The following DNAH2 variants were observed in gnomAD, a reference collection of about 807,000 sequenced individuals.
The protein encoded by DNAH2 is dynein axonemal heavy chain 2, also known as axonemal beta dynein heavy chain 2.
DNAH2 carries 323 observed loss-of-function variants against 523.5 expected under a neutral mutation model. That is an observed-to-expected ratio of 0.62 (90% confidence interval 0.56 to 0.68). The LOEUF is 0.68. Ranked by LOEUF, DNAH2 falls within the 30% of genes least tolerant of loss-of-function variation. The pLI, the probability that DNAH2 is intolerant of heterozygous loss-of-function variation, is 0.00. For synonymous variants in DNAH2, 2,093 were observed against 2,177.4 expected (o/e 0.96, Z 1.08); for missense variants, 4,907 against 5,701.5 (o/e 0.86, Z 4.49).
At chr17:7,775,801 C>G (rs1349722334) in intron 30 of DNAH2, among the ~76,000 whole-genome samples, 2 of 152,078 alleles carry the variant, frequency 1.3e-5, no homozygotes, top group Admixed American at 1.3e-4. Flanking sequence ...CCTGCCATTC[C>G]TGACAATGAC....
chr17:7,768,738 G>A (rs957684262), intron 24 of DNAH2, among the ~76,000 whole-genome samples: 1 of 152,162 alleles, frequency 6.6e-6, no homozygotes, highest in African/African-American at 2.4e-5. Flanking sequence ...ACTCGACTCT[G>A]CTTCTGTGAG....
Position 7,760,611 on chromosome 17 carries a change from G to T in DNAH2, c.2786-129G>T, listed in dbSNP as rs939255037. 7 of 797,250 alleles carry T rather than the reference G, an allele frequency of 8.8e-6. No individual in the cohort carries two copies. The highest frequency in any genetic ancestry group is 3.5e-5 in the African/African-American group (2 of 57,294). The allele number at this position is 797,250 out of a possible 1,614,324, so 49.4% of individuals were successfully genotyped here. A position where few individuals can be genotyped will look rare whatever the true frequency, so the allele number is the denominator to read the frequency against. ...TGCCTACTCCTTTACCTTCTAATGTGCATGTTTGAGCTGTATTTCTCTGGG... is the reference window on the plus strand; with the variant it reads ...TGCCTACTCCTTTACCTTCTAATGTTCATGTTTGAGCTGTATTTCTCTGGG... On this transcript the variant is annotated intron_variant, in intron 17 of 85. Coordinates refer to ENST00000572933, the MANE Select transcript of DNAH2 (RefSeq NM_020877.5). This position sits in a 1 kb window ranked among gnomAD's most constrained non-coding sequence, Gnocchi z 4.0.
At chr17:7,806,232 G>A (rs561103651) in intron 61 of DNAH2, among the ~76,000 whole-genome samples, 41 of 152,350 alleles carry the variant, frequency 2.7e-4, no homozygotes, top group East Asian at 3.9e-4. Context: ...CTCTGAGCAC[G>A]TCTAAGTTAG....
At position 7,827,601 on chromosome 17, in the gene DNAH2, C is replaced by T. The variant is rs76950200; in HGVS notation, c.11854-2699C>T. 0.012 allele frequency among the ~76,000 whole-genome samples: 1,762 copies of T among 151,988 alleles called. 122 individuals carry two copies. The East Asian group carries it at 0.2, about 17-fold the overall frequency. ...GCTGAGATTACAGGCACCTGCCACC[C>T]TACCCAGCTAATTTTGTTATTTTTT... is the stretch of plus-strand genomic sequence containing the variant. On this transcript the variant is annotated intron_variant, in intron 77 of 85. Coordinates refer to ENST00000572933, the MANE Select transcript of DNAH2 (RefSeq NM_020877.5).
rs2151198353 is a variant in DNAH2, at chr17:7,760,848, T to C, written c.2894T>C (p.Ile965Thr). The C allele has an allele frequency of 2.5e-6, 4 of 1,614,104 alleles. No individual in the cohort carries two copies. The highest frequency in any genetic ancestry group is 3.4e-6 in the Non-Finnish European group (4 of 1,180,010). Residue 965 changes from isoleucine to threonine, a missense_variant, in exon 18 of 86, where the codon ATC becomes ACC. Ile to Thr is a moderately conservative substitution (Grantham distance 89, BLOSUM62 -1). Transcript: ENST00000572933. The surrounding 1 kb of genome is among the most constrained non-coding windows in gnomAD (Gnocchi z 4.0). ...AAGACCTGGGACATGTACCGGGAGA[T>C]CTGGGAGATCAACAAGGACTCCTTC... is the stretch of plus-strand genomic sequence containing the variant. ...YLKTWDMYRE[I>T]WEINKDSFIH...
At chr17:7,781,253 CTGTT>C in intron 39 of DNAH2, 86 bp downstream of exon 39, 1 of 1,475,380 alleles carries the variant, frequency 6.8e-7, no homozygotes, top group Non-Finnish European at 9.4e-7. Context: ...GGTGGGCAGA[CTGTT>C]TGAGTCCAGG....
chr17:7,720,453 A>G (rs2074567496), intron 2 of DNAH2, among the ~76,000 whole-genome samples: 1 of 152,080 alleles, frequency 6.6e-6, no homozygotes, highest in South Asian at 2.1e-4. Flanking sequence ...AGAAGTCTAG[A>G]TCTAGGGAGG....
chr17:7,780,759 C>T lies in DNAH2; in HGVS notation c.5980C>T (p.Gln1994Ter). Residue 1994 changes from glutamine (Q) to a stop codon, truncating the protein, a stop_gained, in exon 38 of 86, where the codon CAG becomes TAG. Coordinates refer to ENST00000572933, the MANE Select transcript of DNAH2 (RefSeq NM_020877.5). LOFTEE classifies it high-confidence loss of function. The surrounding 1 kb of genome is among the most constrained non-coding windows in gnomAD (Gnocchi z 4.4). Reference protein sequence around the residue: ...LRYAGKKRRLQPDLTDEEVLL... With the variant: ...LRYAGKKRRL ...CTATGCTGGCAAGAAGCGCCGCCTA[C>T]AGCCGGATCTGACTGATGAAGAGGT... 6.2e-7 allele frequency: 1 copy of T among 1,614,262 alleles called. No individual in the cohort carries two copies. The highest frequency in any genetic ancestry group is 8.5e-7 in the Non-Finnish European group (1 of 1,180,058).
chr17:7,780,860 C>A lies in DNAH2; in HGVS notation c.6003+78C>A. 1.3e-6 allele frequency: 2 copies of A among 1,599,578 alleles called. No homozygotes were observed. The highest frequency in any genetic ancestry group is 1.7e-6 in the Non-Finnish European group (2 of 1,171,504). ...GTCACTTCTCTCAAGTCTTTCAGACCCTTTCTTTCCTCAGATTGGGATTCT... is the reference window on the plus strand; with the variant it reads ...GTCACTTCTCTCAAGTCTTTCAGACACTTTCTTTCCTCAGATTGGGATTCT... On this transcript the variant is annotated intron_variant, in intron 38 of 85. Coordinates refer to ENST00000572933, the MANE Select transcript of DNAH2 (RefSeq NM_020877.5). This position sits in a 1 kb window ranked among gnomAD's most constrained non-coding sequence, Gnocchi z 4.4.
At chr17:7,789,251 C>G (rs1392553005) in intron 44 of DNAH2, among the ~76,000 whole-genome samples, 1 of 152,194 alleles carries the variant, frequency 6.6e-6, no homozygotes, top group Non-Finnish European at 1.5e-5. Flanking sequence ...ATCAATGGCC[C>G]ACAGATGTCA....
At chr17:7,796,935 C>A (rs866304850) in intron 50 of DNAH2, among the ~76,000 whole-genome samples, 279 of 116,012 alleles carry the variant, frequency 2.4e-3, no homozygotes, top group Non-Finnish European at 2.7e-3. Context: ...ATTAAAAATA[C>A]AAAAAAAAAA....
intron 20 of DNAH2, 62 bp from the exon 21 acceptor site, chr17:7,765,329 C>G (rs1307669180): frequency 1.4e-6 from 2 of 1,470,546 alleles, no homozygotes; most frequent in Non-Finnish European, 9.2e-7. Flanking sequence ...CCTGGTCATC[C>G]TCCACGCATG....
At chr17:7,729,997 T>C (rs1307593311) in intron 4 of DNAH2, among the ~76,000 whole-genome samples, 3 of 152,048 alleles carry the variant, frequency 2.0e-5, no homozygotes, top group Admixed American at 6.6e-5. Context: ...GCATGGTAAC[T>C]GCAAGTGCAT....
At chr17:7,724,365 A>T (rs1214367619) in intron 3 of DNAH2, among the ~76,000 whole-genome samples, 1 of 152,188 alleles carries the variant, frequency 6.6e-6, no homozygotes, top group Non-Finnish European at 1.5e-5. Context: ...TCAAGCCTGT[A>T]ATCCCGCACT....
chr17:7,822,854 C>T (rs2151333702), intron 73 of DNAH2, among the ~76,000 whole-genome samples: 1 of 152,240 alleles, frequency 6.6e-6, no homozygotes, highest in African/African-American at 2.4e-5. Flanking sequence ...ACCAACCAGT[C>T]ATTAGGTTGG....
chr17:7,814,203 A>C (rs2077596638), intron 63 of DNAH2, among the ~76,000 whole-genome samples: 1 of 147,664 alleles, frequency 6.8e-6, no homozygotes, highest in Non-Finnish European at 1.5e-5. Flanking sequence ...AAAAAAAAAA[A>C]ACAGATAGTA....
At chr17:7,814,332 A>C (rs2077601730) in intron 63 of DNAH2, among the ~76,000 whole-genome samples, 1 of 152,098 alleles carries the variant, frequency 6.6e-6, no homozygotes, top group African/African-American at 2.4e-5. Flanking sequence ...TTTAGGCTTG[A>C]GGATTTCATG....
Position 7,740,565 on chromosome 17 carries a change from G to A in DNAH2, c.1506+16G>A, listed in dbSNP as rs371337864. ...CTCCCGCGAGGTGCGGCTGCCCCGC[G>A]GCTTCCTCGGCTTCCCGTCCCGCGT... On this transcript the variant is annotated intron_variant, in intron 10 of 85. Coordinates refer to ENST00000572933, the MANE Select transcript of DNAH2 (RefSeq NM_020877.5). 1.7e-5 allele frequency: 28 copies of A among 1,610,766 alleles called. No individual in the cohort carries two copies. The highest frequency in any genetic ancestry group is 2.1e-5 in the Non-Finnish European group (25 of 1,179,632).
chr17:7,815,933 C>T lies in DNAH2; in HGVS notation c.9730-638C>T, dbSNP rs372056220. On this transcript the variant is annotated intron_variant, in intron 63 of 85. Transcript: ENST00000572933. ...CCTCCATCTCTAGTGTGGGACCTTGCACTTGGTCCTTTGTCTTTTTATTTT... is the reference window on the plus strand; with the variant it reads ...CCTCCATCTCTAGTGTGGGACCTTGTACTTGGTCCTTTGTCTTTTTATTTT... Among the ~76,000 whole-genome samples the T allele has an allele frequency of 1.1e-4, 16 of 152,292 alleles. No homozygotes were observed. The South Asian group carries it at 3.3e-3, about 32-fold the overall frequency.
Sources: allele counts gnomAD v4.1 joint callset (sites outside exome capture counted in the v4.1 genomes callset), GRCh38; gene constraint gnomAD v4.1.1; non-coding constraint Gnocchi (gnomAD v3.1); transcripts MANE v1.5; gene names NCBI Gene and HGNC (gene_info 2026-07-23, HGNC 2026-07-21).